SDF4: variants seen among roughly 807,000 people sequenced by gnomAD.
SDF4 encodes stromal cell derived factor 4, also known as 45 kDa calcium-binding protein.
A neutral mutation model predicts 34.2 loss-of-function variants in SDF4; 22 were observed. The ratio of observed to expected loss-of-function variants is 0.64; its 90% CI spans 0.46 to 0.92. The LOEUF (loss-of-function observed/expected upper bound fraction) is 0.92. SDF4 is among the 40% of genes least tolerant of loss of function. The probability of loss-of-function intolerance (pLI) is 0.00; values close to 1 mark genes in which losing one functional copy is unlikely to be tolerated. For missense variants in SDF4, 447 were observed against 499.9 expected (o/e 0.89, Z 1.01); for synonymous variants, 236 against 203.1 (o/e 1.16, Z -1.38).
At chr1:1,231,018 G>A (rs1161572030) in intron 1 of SDF4, among the ~76,000 whole-genome samples, 1 of 152,150 alleles carries the variant, frequency 6.6e-6, no homozygotes, top group Non-Finnish European at 1.5e-5. Context: ...CAGGAGGATC[G>A]TGAGACCAGC....
At chr1:1,226,353 A>G (rs1638308934) in intron 2 of SDF4, among the ~76,000 whole-genome samples, 1 of 119,690 alleles carries the variant, frequency 8.4e-6, no homozygotes, top group South Asian at 2.5e-4. Context: ...GGTCAGGAGG[A>G]AACATGGCAC....
At chr1:1,221,686 C>T (rs979525104) in intron 4 of SDF4, among the ~76,000 whole-genome samples, 4 of 152,128 alleles carry the variant, frequency 2.6e-5, no homozygotes, top group African/African-American at 7.2e-5. Context: ...TAAGACTAGG[C>T]GCAGTGGCTC....
chr1:1,226,255 G>A (rs1638303829), intron 2 of SDF4, among the ~76,000 whole-genome samples: 1 of 152,300 alleles, frequency 6.6e-6, no homozygotes, highest in African/African-American at 2.4e-5. Context: ...CGTGGTGCAG[G>A]GAAGCGGGAA....
rs532814704 is a variant in SDF4, at chr1:1,229,737, G to C, written c.-174-791C>G. 1.5e-4 allele frequency among the ~76,000 whole-genome samples: 23 copies of C among 152,250 alleles called. 1 individual carries two copies. Among genetic ancestry groups the C allele is most frequent in the Admixed American group, 1.4e-3 (21 of 15,300 alleles). On this transcript the variant is annotated intron_variant, in intron 1 of 6. Transcript: ENST00000360001. ...AACATTCTTGAGATCTATGACCTTAGCTAAGTCATGTGGCCTCCCCGGCCT... is the reference window on the plus strand; with the variant it reads ...AACATTCTTGAGATCTATGACCTTACCTAAGTCATGTGGCCTCCCCGGCCT...
intron 4 of SDF4, chr1:1,220,666 G>A (rs1189294916): frequency 7.8e-7 from 1 of 1,289,112 alleles, no homozygotes; most frequent in Admixed American, 2.3e-5. Flanking sequence ...CCTCTGCTGA[G>A]TCCCAAAGGT....
chr1:1,220,409 C>A, intron 4 of SDF4: 1 of 1,171,858 alleles, frequency 8.5e-7, no homozygotes, highest in Non-Finnish European at 1.1e-6. Context: ...CACGCGGTGA[C>A]CCTCGCAGGA....
chr1:1,231,077 G>C (rs979449912), intron 1 of SDF4, among the ~76,000 whole-genome samples: 1 of 152,152 alleles, frequency 6.6e-6, no homozygotes, highest in Non-Finnish European at 1.5e-5. Context: ...AAAACAAAAA[G>C]ATAAGACCCT....
At chr1:1,223,200 C>A in intron 4 of SDF4, 44 bp downstream of exon 4, 1 of 1,357,318 alleles carries the variant, frequency 7.4e-7, no homozygotes, top group African/African-American at 1.4e-5. Flanking sequence ...CGCGCACACA[C>A]AGGATGCCTG....
At chr1:1,221,551 AGATT>A (rs1276444573) in intron 4 of SDF4, among the ~76,000 whole-genome samples, 13 of 152,074 alleles carry the variant, frequency 8.5e-5, no homozygotes. Flanking sequence ...CAAGGAGGAT[AGATT>A]GAGCCCAGGA....
chr1:1,219,967 G>A, intron 4 of SDF4: 3 of 985,760 alleles, frequency 3.0e-6, no homozygotes, highest in African/African-American at 1.7e-5. Context: ...AGGAAGACAG[G>A]AGTGACGGGG....
At position 1,223,953 on chromosome 1, in the gene SDF4, A is replaced by C. The variant is rs766909939; in HGVS notation, c.321T>G (p.Thr107=). 1 of 1,611,156 alleles carries C rather than the reference A, an allele frequency of 6.2e-7. No individual in the cohort carries two copies. The highest frequency in any genetic ancestry group is 8.5e-7 in the Non-Finnish European group (1 of 1,179,878). The part of the protein sequence containing the change: ...MVIFSKVDVN[T]DRKISAKEMQ... ...TCTCCTTGGCACTGATCTTCCGGTC[A>C]GTGTTCACATCCACCCTGCAAGACA... is the stretch of plus-strand genomic sequence containing the variant. The change falls in exon 3 of 7, where the codon ACT becomes ACG. Residue 107 remains threonine, a synonymous_variant. Coordinates refer to ENST00000360001, the MANE Select transcript of SDF4 (RefSeq NM_016176.6).
rs925754690 is a variant in SDF4, at chr1:1,228,682, G to A, written c.91C>T (p.Pro31Ser). 3.1e-6 allele frequency: 5 copies of A among 1,613,016 alleles called. No individual in the cohort carries two copies. Among genetic ancestry groups the A allele is most frequent in the Admixed American group, 3.3e-5 (2 of 60,024 alleles). Residue 31 changes from proline (P) to serine (S), a missense_variant, in exon 2 of 7, where the codon CCT becomes TCT. Transcript: ENST00000360001. ...AVLLMDASAR[P>S]ANHSSTRERV... ...TCTCGAGTGGACGAGTGGTTGGCAG[G>A]CCGTGCAGACGCGTCCATCAGAAGG...
At chr1:1,225,189 G>T (rs376800326) in intron 2 of SDF4, among the ~76,000 whole-genome samples, 3 of 152,212 alleles carry the variant, frequency 2.0e-5, no homozygotes, top group Admixed American at 6.5e-5. Context: ...CGTGTCCTGA[G>T]CTCACCTGTT....
intron 2 of SDF4, among the ~76,000 whole-genome samples, chr1:1,227,697 G>A (rs1164997289): frequency 3.3e-5 from 5 of 152,200 alleles, no homozygotes; most frequent in South Asian, 2.1e-4. Context: ...AGGGCACCCC[G>A]GCCGTGCCGT....
intron 2 of SDF4, among the ~76,000 whole-genome samples, chr1:1,226,975 C>A: frequency 6.6e-6 from 1 of 152,154 alleles, no homozygotes; most frequent in East Asian, 1.9e-4. Context: ...CAGCTCACCA[C>A]CAAGTGAACT....
In SDF4 at chr1:1,228,839, C is replaced by G; in HGVS notation, c.-67G>C. The G allele has an allele frequency of 1.4e-6, 2 of 1,440,488 alleles. No individual in the cohort carries two copies. The highest frequency in any genetic ancestry group is 1.3e-5 in the South Asian group (1 of 79,834). The allele number at this position is 1,440,488 out of a possible 1,614,324, so 89.2% of individuals were successfully genotyped here. ...GGCCAGGTGCTGGGAGGGGCAGGGG[C>G]AGGGGCAGAGGAGGAAGTGAGGTCC... On this transcript the variant is annotated 5_prime_UTR_variant, in exon 2 of 7. Transcript: ENST00000360001.
In SDF4 at chr1:1,222,233, G is replaced by A. The variant is rs895177250; in HGVS notation, c.556+1011C>T. Among the ~76,000 whole-genome samples the A allele has an allele frequency of 3.9e-5, 6 of 152,354 alleles. No individual in the cohort carries two copies. The East Asian group carries it at 7.7e-4, about 20-fold the overall frequency. ...ACCGGGAAGGGCACACGGAGCCCCA[G>A]GGTGGCAGCAACGCCACGGTACCCG... On this transcript the variant is annotated intron_variant, in intron 4 of 6. Transcript: ENST00000360001.
At chr1:1,224,879 C>T (rs1225701611) in intron 2 of SDF4, among the ~76,000 whole-genome samples, 1 of 152,222 alleles carries the variant, frequency 6.6e-6, no homozygotes, top group Non-Finnish European at 1.5e-5. Flanking sequence ...CACCACTGCA[C>T]TCCAGCCTGG....
chr1:1,231,316 G>A (rs956377125), intron 1 of SDF4, among the ~76,000 whole-genome samples: 7 of 152,232 alleles, frequency 4.6e-5, no homozygotes, highest in African/African-American at 1.7e-4. Context: ...ACGGACGTGG[G>A]AAACAGCTTA....
Sources: gnomAD v4.1 joint callset for allele counts (sites outside exome capture counted in the v4.1 genomes callset) on GRCh38, gnomAD v4.1.1 for gene constraint, MANE v1.5 for transcripts, NCBI Gene and HGNC (gene_info 2026-07-23, HGNC 2026-07-21) for gene names.